The following DNAJC8 variants were observed in gnomAD, a reference collection of about 807,000 sequenced individuals.
DNAJC8 encodes the protein dnaJ homolog subfamily C member 8.
DNAJC8 carries 24 observed loss-of-function variants against 43.2 expected under a neutral mutation model. That is an observed-to-expected ratio of 0.56 (90% CI 0.40 to 0.78). The LOEUF (loss-of-function observed/expected upper bound fraction) is 0.78. Among genes scored for constraint, DNAJC8 ranks in the 30% least tolerant of loss-of-function variants. The pLI, the probability that DNAJC8 is intolerant of heterozygous loss-of-function variation, is 0.00. For missense variants in DNAJC8, 207 were observed against 299.4 expected (o/e 0.69, Z 2.28); for synonymous variants, 83 against 98.0 (o/e 0.85, Z 0.90).
At chr1:28,226,124 C>A (rs983383014) in intron 2 of DNAJC8, among the ~76,000 whole-genome samples, 13 of 151,256 alleles carry the variant, frequency 8.6e-5, no homozygotes. Context: ...ATATTCACTT[C>A]AAAATTATTT....
intron 2 of DNAJC8, among the ~76,000 whole-genome samples, chr1:28,218,025 T>A (rs1646871540): frequency 6.6e-6 from 1 of 151,872 alleles, no homozygotes; most frequent in East Asian, 1.9e-4. Context: ...GTTGTTTTCC[T>A]ATGGCTAAAG....
chr1:28,227,524 C>T (rs1404282556), intron 2 of DNAJC8, among the ~76,000 whole-genome samples: 1 of 142,538 alleles, frequency 7.0e-6, no homozygotes, highest in Non-Finnish European at 1.6e-5. Flanking sequence ...CCCAGGAGTT[C>T]AAGGGTGCAG....
At chr1:28,212,206 TATATATATAA>T (rs1183481933) in intron 3 of DNAJC8, among the ~76,000 whole-genome samples, 12 of 117,324 alleles carry the variant, frequency 1.0e-4, no homozygotes, top group African/African-American at 3.5e-4. Flanking sequence ...TATATATATA[TATATATATAA>T]ATGAAATTAA....
Position 28,200,512 on chromosome 1 carries a change from C to G in DNAJC8, c.*736G>C. On this transcript the variant is annotated 3_prime_UTR_variant, in exon 9 of 9. Transcript: ENST00000263697. ...CATTTTGGGGTTCAGCCAAGCCAGACAAGGGACCCACAAGGGAGAGTACAA... is the reference window on the plus strand; with the variant it reads ...CATTTTGGGGTTCAGCCAAGCCAGAGAAGGGACCCACAAGGGAGAGTACAA... 2.2e-6 allele frequency: 1 copy of G among 456,484 alleles called. No homozygotes were observed. The highest frequency in any genetic ancestry group is 4.4e-6 in the Non-Finnish European group (1 of 226,806). 28.3% of individuals were successfully genotyped at this position (456,484 alleles called of 1,614,324 possible). A position where few individuals can be genotyped will look rare whatever the true frequency, so the allele number is the denominator to read the frequency against.
At position 28,227,287 on chromosome 1, in the gene DNAJC8, T is replaced by C. The variant is rs187763326; in HGVS notation, c.180+1635A>G. Among the ~76,000 whole-genome samples, 48 of 147,920 alleles carry C rather than the reference T, an allele frequency of 3.2e-4. 1 individual carries two copies. Among genetic ancestry groups the C allele is most frequent in the Admixed American group, 1.0e-3 (15 of 14,582 alleles). ...AGCCAAGCATGGAGGCAGGCACCTGTAATCTCAGCTACTCGGGAGGCTGAG... is the reference window on the plus strand; with the variant it reads ...AGCCAAGCATGGAGGCAGGCACCTGCAATCTCAGCTACTCGGGAGGCTGAG... On this transcript the variant is annotated intron_variant, in intron 2 of 8. Transcript: ENST00000263697.
intron 2 of DNAJC8, among the ~76,000 whole-genome samples, chr1:28,220,041 T>C (rs957238203): frequency 3.9e-5 from 6 of 152,174 alleles, no homozygotes; most frequent in Non-Finnish European, 5.9e-5. Context: ...GGAATTGTTC[T>C]TGTTTCGAGG....
chr1:28,212,214 T>A lies in DNAJC8; in HGVS notation c.238-1577A>T, dbSNP rs868431775. 1.0e-3 allele frequency among the ~76,000 whole-genome samples: 114 copies of A among 113,520 alleles called. 1 individual carries two copies. The highest frequency in any genetic ancestry group is 5.9e-3 in the Admixed American group (57 of 9,618). The allele number at this position is 113,520 out of a possible 152,430, so 74.5% of individuals were successfully genotyped here. On this transcript the variant is annotated intron_variant, in intron 3 of 8. Coordinates refer to ENST00000263697, the MANE Select transcript of DNAJC8 (RefSeq NM_014280.3). ...ATATATATATATATATATATATATA[T>A]AAATGAAATTAACTATTCAATATAG...
At chr1:28,215,021 TA>T (rs770766490) in intron 2 of DNAJC8, 25 bp from the exon 3 acceptor site, 4 of 1,581,560 alleles carry the variant, frequency 2.5e-6, no homozygotes, top group South Asian at 1.2e-5. Flanking sequence ...ATCAAAACCA[TA>T]AAAAAGGTGA....
intron 2 of DNAJC8, among the ~76,000 whole-genome samples, chr1:28,221,745 G>C (rs775106360): frequency 6.6e-6 from 1 of 151,948 alleles, no homozygotes; most frequent in South Asian, 2.1e-4. Flanking sequence ...TCTTCCCCTA[G>C]GCCCTCCCCA....
chr1:28,201,809 GA>G (rs892690422), intron 8 of DNAJC8, among the ~76,000 whole-genome samples: 4 of 146,998 alleles, frequency 2.7e-5, no homozygotes, highest in Non-Finnish European at 4.5e-5. Context: ...AAAAAGAAAA[GA>G]AAAAAAGAAA....
At chr1:28,209,548 T>TA (rs1316019362) in intron 5 of DNAJC8, among the ~76,000 whole-genome samples, 7 of 152,144 alleles carry the variant, frequency 4.6e-5, no homozygotes, top group Admixed American at 2.6e-4. Flanking sequence ...CCTCCTATTT[T>TA]AAAAAAAGTT....
At chr1:28,205,679 G>A (rs957616078) in intron 6 of DNAJC8, among the ~76,000 whole-genome samples, 1 of 152,192 alleles carries the variant, frequency 6.6e-6, no homozygotes. Flanking sequence ...CCTGAGGCCA[G>A]GAGTTCAAGA....
chr1:28,203,224 G>C (rs762292265), intron 8 of DNAJC8, among the ~76,000 whole-genome samples: 1 of 152,102 alleles, frequency 6.6e-6, no homozygotes, highest in Non-Finnish European at 1.5e-5. Flanking sequence ...CCCTATAGAA[G>C]AAAAGACCGA....
At position 28,203,777 on chromosome 1, in the gene DNAJC8, T is replaced by C; in HGVS notation, c.609A>G (p.Lys203=). The stretch of plus-strand genomic sequence containing the variant: ...AGTTTTTCTGCCACTCTCTTTCCCG[T>C]TTGGCTTTTTCTTGAGCTTCAATCT... The part of the protein sequence containing the change: ...EEEIEAQEKA[K]REREWQKNFE... Residue 203 remains lysine (K), a synonymous_variant, in exon 8 of 9, where the codon AAA becomes AAG. Coordinates refer to ENST00000263697, the MANE Select transcript of DNAJC8 (RefSeq NM_014280.3). 1 of 1,614,096 alleles carries C rather than the reference T, an allele frequency of 6.2e-7. No homozygotes were observed.
At chr1:28,230,492 AGG>A (rs1459932387) in intron 1 of DNAJC8, among the ~76,000 whole-genome samples, 1 of 152,152 alleles carries the variant, frequency 6.6e-6, no homozygotes, top group Non-Finnish European at 1.5e-5. Flanking sequence ...CTGAGGCAGG[AGG>A]ATCACTTGGG....
chr1:28,204,044 C>G (rs1274336362), intron 7 of DNAJC8, among the ~76,000 whole-genome samples: 1 of 152,142 alleles, frequency 6.6e-6, no homozygotes, highest in East Asian at 1.9e-4. Context: ...ACATAAATAT[C>G]CTTGTTACAC....
chr1:28,212,176 T>A (rs551739785), intron 3 of DNAJC8, among the ~76,000 whole-genome samples: 1,057 of 26,002 alleles, frequency 0.041, 34 homozygotes, highest in African/African-American at 0.12. Flanking sequence ...TAAATATATA[T>A]ATATATATAT....
intron 3 of DNAJC8, among the ~76,000 whole-genome samples, chr1:28,212,214 T>TATATATATAA (rs1553167928): frequency 8.8e-6 from 1 of 113,540 alleles, no homozygotes; most frequent in Admixed American, 1.0e-4. Flanking sequence ...TATATATATA[T>TATATATATAA]AAATGAAATT....
rs1182008181 is a variant in DNAJC8 at position 28,203,770 on chromosome 1, T to C, written c.616A>G (p.Arg206Gly). ...ACCTCAAAGTTTTTCTGCCACTCTC[T>C]TTCCCGTTTGGCTTTTTCTTGAGCT... ...IEAQEKAKRE[R>G]EWQKNFEESR... The change falls in exon 8 of 9, where the codon AGA (arginine) becomes GGA (glycine). Residue 206 changes from arginine to glycine, a missense_variant. Arg to Gly is a moderately radical substitution (Grantham distance 125). This residue lies in a region of DNAJC8 where 159 missense variants were observed against 267.5 expected (regional missense o/e 0.59). Transcript: ENST00000263697. The C allele has an allele frequency of 6.2e-7, 1 of 1,614,122 alleles. No individual in the cohort carries two copies. Among genetic ancestry groups the C allele is most frequent in the Admixed American group, 1.7e-5 (1 of 60,022 alleles).
Sources: gnomAD v4.1 joint callset for allele counts (sites outside exome capture counted in the v4.1 genomes callset) on GRCh38, gnomAD v4.1.1 for gene constraint, gnomAD v4.1.1 regional missense constraint, MANE v1.5 for transcripts, NCBI Gene and HGNC (gene_info 2026-07-23, HGNC 2026-07-21) for gene names.